The following CHD7 variants were observed in gnomAD, a reference collection of about 807,000 sequenced individuals.
CHD7 encodes the protein chromodomain helicase DNA binding protein 7.
CHD7 carries 24 observed loss-of-function variants against 307.3 expected under a neutral mutation model. That is an observed-to-expected ratio of 0.08 (90% CI 0.06 to 0.11). The LOEUF (loss-of-function observed/expected upper bound fraction) is 0.11, where lower values mean the gene tolerates loss of function less well. CHD7 is among the 10% of genes least tolerant of loss of function. The pLI, the probability that CHD7 is intolerant of heterozygous loss-of-function variation, is 1.00. For missense variants in CHD7, 3,106 were observed against 3,727.1 expected (o/e 0.83, Z 4.34); for synonymous variants, 1,363 against 1,349.9 (o/e 1.01, Z -0.21).
At chr8:60,753,870 C>T (rs1013519805) in intron 2 of CHD7, among the ~76,000 whole-genome samples, 5 of 151,998 alleles carry the variant, frequency 3.3e-5, no homozygotes, top group African/African-American at 1.2e-4. Context: ...GGTGATCCAC[C>T]TGCCTCAGCC....
intron 2 of CHD7, among the ~76,000 whole-genome samples, chr8:60,759,482 T>TCTCTCC (rs145962670): frequency 0.025 from 3,569 of 143,724 alleles, 151 homozygotes; most frequent in African/African-American, 0.085. Flanking sequence ...CCTCTCTCCC[T>TCTCTCC]CTCTCCCTCT....
intron 3 of CHD7, among the ~76,000 whole-genome samples, chr8:60,787,252 G>T (rs1811533023): frequency 6.6e-6 from 1 of 152,100 alleles, no homozygotes; most frequent in African/African-American, 2.4e-5. Context: ...AAATGTGGGT[G>T]GGCAGCATGG....
intron 8 of CHD7, among the ~76,000 whole-genome samples, chr8:60,817,776 G>C (rs1803815994): frequency 6.6e-6 from 1 of 152,154 alleles, no homozygotes; most frequent in Non-Finnish European, 1.5e-5. Flanking sequence ...AATGAAACCA[G>C]AGTTAAATTT....
chr8:60,691,018 T>C (rs1205210820), intron 1 of CHD7, among the ~76,000 whole-genome samples: 2 of 152,130 alleles, frequency 1.3e-5, no homozygotes, highest in African/African-American at 2.4e-5. Context: ...CTCCACCTCC[T>C]GGGTTCAAGC....
intron 17 of CHD7, 64 bp downstream of exon 17, chr8:60,837,076 A>G: frequency 7.8e-7 from 1 of 1,288,082 alleles, no homozygotes. Flanking sequence ...TATGACAGAG[A>G]GTACCAGTCA....
intron 1 of CHD7, among the ~76,000 whole-genome samples, chr8:60,739,063 T>C (rs1410015743): frequency 2.6e-5 from 4 of 152,180 alleles, no homozygotes; most frequent in Non-Finnish European, 4.4e-5. Context: ...TGACTCTGCC[T>C]CTGCCTCTGA....
chr8:60,832,189 T>A (rs1380685179), intron 15 of CHD7, among the ~76,000 whole-genome samples: 3 of 151,898 alleles, frequency 2.0e-5, no homozygotes, highest in Non-Finnish European at 2.9e-5. Context: ...GCCCAGCTAA[T>A]TTTTTTTGTA....
chr8:60,853,333 G>A lies in CHD7; in HGVS notation c.6608G>A (p.Ser2203Asn), dbSNP rs769346640. ...EEETDGSGKE[S>N]KQECEAEASS... ...GAAACCGATGGCAGCGGGAAGGAGA[G>A]CAAGCAGGAATGTGAGGCAGAGGCC... Residue 2203 changes from serine (S) to asparagine (N), a missense_variant, in exon 31 of 38, where the codon AGC becomes AAC. Physicochemically the swap from Ser to Asn is conservative, Grantham distance 46. Transcript: ENST00000423902. 3 of 1,595,538 alleles carry A rather than the reference G, an allele frequency of 1.9e-6. No individual in the cohort carries two copies. The highest frequency in any genetic ancestry group is 3.5e-5 in the Admixed American group (2 of 57,452).
At chr8:60,726,365 A>G (rs937941276) in intron 1 of CHD7, among the ~76,000 whole-genome samples, 1 of 152,220 alleles carries the variant, frequency 6.6e-6, no homozygotes, top group Admixed American at 6.5e-5. Context: ...ACCAAGAATC[A>G]GAGAGGTTAA....
rs368038649 is a variant in CHD7 at position 60,865,858 on chromosome 8, C to T, written c.8919C>T (p.Asp2973=). The change falls in exon 38 of 38, where the codon GAC becomes GAT. Residue 2973 remains aspartate, a synonymous_variant. Coordinates refer to ENST00000423902, the MANE Select transcript of CHD7 (RefSeq NM_017780.4). This position sits in a 1 kb window ranked among gnomAD's most constrained non-coding sequence, Gnocchi z 4.3. ...DKTAESSLLE[D]EIAQGEELDS... ...CTGCAGAGTCCTCCCTCTTAGAAGACGAAATAGCACAGGGTGAAGAGCTAG... is the reference window on the plus strand; with the variant it reads ...CTGCAGAGTCCTCCCTCTTAGAAGATGAAATAGCACAGGGTGAAGAGCTAG... 4.0e-5 allele frequency: 65 copies of T among 1,612,498 alleles called. No homozygotes were observed. Among genetic ancestry groups the T allele is most frequent in the Admixed American group, 6.7e-5 (4 of 59,762 alleles).
At chr8:60,736,292 G>T (rs1014681564) in intron 1 of CHD7, among the ~76,000 whole-genome samples, 1 of 152,154 alleles carries the variant, frequency 6.6e-6, no homozygotes, top group Non-Finnish European at 1.5e-5. Flanking sequence ...GCTGGGTTGT[G>T]GGTGGGGCAG....
chr8:60,841,007 C>T (rs1174697686), intron 19 of CHD7, among the ~76,000 whole-genome samples: 3 of 152,222 alleles, frequency 2.0e-5, no homozygotes, highest in African/African-American at 4.8e-5. Context: ...TGTGTTCTGA[C>T]CTCCATGCTC....
At chr8:60,699,743 G>A (rs1043747248) in intron 1 of CHD7, among the ~76,000 whole-genome samples, 1 of 152,074 alleles carries the variant, frequency 6.6e-6, no homozygotes, top group South Asian at 2.1e-4. Flanking sequence ...CAGACTTCAC[G>A]TGTCATCCGT....
chr8:60,749,946 G>A (rs1809549668), intron 2 of CHD7, among the ~76,000 whole-genome samples: 1 of 152,104 alleles, frequency 6.6e-6, no homozygotes, highest in South Asian at 2.1e-4. Flanking sequence ...ACCTGTCTGC[G>A]TTTTTCCTCA....
chr8:60,819,671 G>A (rs1803934927), intron 8 of CHD7, among the ~76,000 whole-genome samples: 1 of 152,172 alleles, frequency 6.6e-6, no homozygotes, highest in African/African-American at 2.4e-5. Context: ...CTGTAGTTTC[G>A]AGAATGCTAA....
chr8:60,746,828 T>A (rs1809351553), intron 2 of CHD7, among the ~76,000 whole-genome samples: 1 of 152,220 alleles, frequency 6.6e-6, no homozygotes, highest in African/African-American at 2.4e-5. Context: ...ATATGGACAT[T>A]TCTTTAATGG....
At chr8:60,725,869 C>T (rs1042041027) in intron 1 of CHD7, among the ~76,000 whole-genome samples, 3 of 152,126 alleles carry the variant, frequency 2.0e-5, no homozygotes, top group African/African-American at 4.8e-5. Flanking sequence ...GTACCTGAGC[C>T]GTTTTCCTGG....
At chr8:60,850,454 T>C (rs1390002918) in intron 25 of CHD7, 39 bp from the exon 26 acceptor site, 7 of 1,575,946 alleles carry the variant, frequency 4.4e-6, no homozygotes, top group Non-Finnish European at 6.1e-6. Flanking sequence ...CCTTTCTTTG[T>C]TTCTGTGTGT....
At chr8:60,688,328 A>G (rs979808971) in intron 1 of CHD7, among the ~76,000 whole-genome samples, 27 of 152,244 alleles carry the variant, frequency 1.8e-4, no homozygotes, top group Non-Finnish European at 1.5e-4. Flanking sequence ...GGTATAGCAT[A>G]TGGCATATTC....
Sources: gnomAD v4.1 joint callset for allele counts (sites outside exome capture counted in the v4.1 genomes callset) on GRCh38, gnomAD v4.1.1 for gene constraint, Gnocchi (gnomAD v3.1) non-coding constraint, MANE v1.5 for transcripts, NCBI Gene and HGNC (gene_info 2026-07-23, HGNC 2026-07-21) for gene names.